HACD4: variants seen among roughly 807,000 people sequenced by gnomAD.
HACD4 encodes the protein very-long-chain (3R)-3-hydroxyacyl-CoA dehydratase 4.
Under a neutral mutation model 33.3 loss-of-function variants are expected in HACD4, and 35 were observed. The ratio of observed to expected loss-of-function variants is 1.05; its 90% CI spans 0.80 to 1.39. The LOEUF (loss-of-function observed/expected upper bound fraction) is 1.39, where lower values mean the gene tolerates loss of function less well. HACD4 is among the 40% of genes most tolerant of loss of function. HACD4 has a pLI of 0.00. For missense variants in HACD4, 323 were observed against 276.5 expected (o/e 1.17, Z -1.19); for synonymous variants, 118 against 98.0 (o/e 1.20, Z -1.21).
chr9:21,014,061 T>G (rs1411185193), intron 4 of HACD4, among the ~76,000 whole-genome samples: 2 of 152,206 alleles, frequency 1.3e-5, no homozygotes, highest in Non-Finnish European at 2.9e-5. Context: ...ACTATCATGT[T>G]AGTATGGATT....
chr9:21,009,621 G>A (rs1293793357), intron 5 of HACD4, among the ~76,000 whole-genome samples: 1 of 152,080 alleles, frequency 6.6e-6, no homozygotes, highest in African/African-American at 2.4e-5. Flanking sequence ...TGTACAATGT[G>A]GAATGATTAA....
chr9:21,029,918 A>T (rs1236065478), intron 1 of HACD4, among the ~76,000 whole-genome samples: 1 of 152,332 alleles, frequency 6.6e-6, no homozygotes, highest in Non-Finnish European at 1.5e-5. Context: ...GCCTGGGGAA[A>T]GATTAAAATC....
In HACD4 at chr9:21,015,895, T is replaced by C; in HGVS notation, c.383+3A>G. On this transcript the variant is annotated splice_donor_region_variant and intron_variant, in intron 4 of 6. Coordinates refer to ENST00000495827, the MANE Select transcript of HACD4 (RefSeq NM_001010915.5). ...GTTTTAAGAGATTATTTTGCCTTCTTACCTAACCATATCCAATAGATTCCA... is the reference window on the plus strand; with the variant it reads ...GTTTTAAGAGATTATTTTGCCTTCTCACCTAACCATATCCAATAGATTCCA... The C allele has an allele frequency of 6.3e-7, 1 of 1,596,148 alleles. No individual in the cohort carries two copies. The highest frequency in any genetic ancestry group is 1.1e-5 in the South Asian group (1 of 90,604).
In HACD4 at chr9:20,999,661, T is replaced by C. The variant is rs1410065138; in HGVS notation, c.*7376A>G. ...ATATAAGGAACGCTTTGAGATACAA[T>C]TGAAATTCATTACCTAATTAAGCCG... On this transcript the variant is annotated 3_prime_UTR_variant, in exon 7 of 7. Coordinates refer to ENST00000495827, the MANE Select transcript of HACD4 (RefSeq NM_001010915.5). The C allele has an allele frequency of 6.6e-6, 1 of 152,164 alleles. No individual in the cohort carries two copies. The highest frequency in any genetic ancestry group is 6.6e-5 in the Admixed American group (1 of 15,266). 9.4% of individuals were successfully genotyped at this position (152,164 alleles called of 1,614,324 possible). A position where few individuals can be genotyped will look rare whatever the true frequency, so the allele number is the denominator to read the frequency against.
intron 4 of HACD4, among the ~76,000 whole-genome samples, chr9:21,013,457 C>T (rs1842485650): frequency 1.3e-5 from 2 of 152,182 alleles, no homozygotes; most frequent in African/African-American, 4.8e-5. Flanking sequence ...CCTTCAACTA[C>T]ATTCTTCTAA....
At position 21,020,323 on chromosome 9, in the gene HACD4, G is replaced by A. The variant is rs185422912; in HGVS notation, c.271-4313C>T. ...AAAGCATTTCTCAAAAAGTGATGGA[G>A]TAATCTATTAAGGGTTTCCTATAGG... On this transcript the variant is annotated intron_variant, in intron 3 of 6. Coordinates refer to ENST00000495827, the MANE Select transcript of HACD4 (RefSeq NM_001010915.5). 3.0e-3 allele frequency among the ~76,000 whole-genome samples: 455 copies of A among 152,214 alleles called. 2 individuals carry two copies. The highest frequency in any genetic ancestry group is 0.01 in the African/African-American group (433 of 41,540).
At chr9:21,011,319 G>A (rs145964284) in intron 5 of HACD4, among the ~76,000 whole-genome samples, 4 of 152,268 alleles carry the variant, frequency 2.6e-5, no homozygotes, top group African/African-American at 9.6e-5. Context: ...ACTCTGAGAG[G>A]TTAAATGAGT....
chr9:21,021,716 A>G (rs1378870507), intron 3 of HACD4, among the ~76,000 whole-genome samples: 1 of 152,184 alleles, frequency 6.6e-6, no homozygotes, highest in Non-Finnish European at 1.5e-5. Flanking sequence ...ACCACTGCTC[A>G]ACGAAATAAA....
intron 4 of HACD4, among the ~76,000 whole-genome samples, chr9:21,013,638 A>C (rs1029015557): frequency 6.6e-6 from 1 of 152,090 alleles, no homozygotes; most frequent in East Asian, 1.9e-4. Context: ...GTCATGTGGG[A>C]TGTCCTTTCA....
chr9:21,012,621 A>T (rs1384794240), intron 4 of HACD4, among the ~76,000 whole-genome samples: 1 of 152,204 alleles, frequency 6.6e-6, no homozygotes, highest in Non-Finnish European at 1.5e-5. Context: ...GTGCATATTT[A>T]CTATACAGAA....
rs765299686 is a variant in HACD4, at chr9:21,011,584, C to T, written c.490+5G>A. 3 of 1,569,634 alleles carry T rather than the reference C, an allele frequency of 1.9e-6. No individual in the cohort carries two copies. In the East Asian group the frequency reaches 6.7e-5, roughly 35 times the overall value. ...AAGCAATACAGCAAGTCACTCTTTT[C>T]TTACCTTCAGCAAGAACACACAAAG... On this transcript the variant is annotated splice_donor_5th_base_variant and intron_variant, in intron 5 of 6. Coordinates refer to ENST00000495827, the MANE Select transcript of HACD4 (RefSeq NM_001010915.5).
chr9:21,021,846 C>G (rs919025159), intron 3 of HACD4, among the ~76,000 whole-genome samples: 6 of 152,142 alleles, frequency 3.9e-5, no homozygotes, highest in African/African-American at 1.4e-4. Context: ...ATCAAGCTAC[C>G]AATGACTTTC....
chr9:21,008,247 T>G (rs966082021), intron 5 of HACD4, 101 bp from the exon 6 acceptor site: 3 of 1,064,528 alleles, frequency 2.8e-6, no homozygotes, highest in Non-Finnish European at 3.9e-6. Flanking sequence ...AATTTGATAA[T>G]GACAGTTTTG....
intron 3 of HACD4, among the ~76,000 whole-genome samples, chr9:21,022,524 G>GA (rs927926751): frequency 6.6e-6 from 1 of 151,470 alleles, no homozygotes; most frequent in Non-Finnish European, 1.5e-5. Context: ...AAATTTACAG[G>GA]AAAAAAAATC....
At chr9:21,023,574 CTTTT>C (rs397709627) in intron 3 of HACD4, among the ~76,000 whole-genome samples, 1 of 128,918 alleles carries the variant, frequency 7.8e-6, no homozygotes. Flanking sequence ...ACTTAACAAT[CTTTT>C]TTTTTTTTTT....
intron 3 of HACD4, 122 bp downstream of exon 3, chr9:21,026,474 C>T: frequency 1.3e-6 from 1 of 753,862 alleles, no homozygotes. Context: ...GAAATTAATT[C>T]TCCTTATCAG....
chr9:21,029,239 T>C, intron 2 of HACD4, 56 bp downstream of exon 2: 1 of 942,508 alleles, frequency 1.1e-6, no homozygotes, highest in Non-Finnish European at 1.7e-6. Flanking sequence ...ATAAGCAGGA[T>C]GAGGTGAAAA....
intron 2 of HACD4, among the ~76,000 whole-genome samples, chr9:21,027,133 G>A (rs1818083138): frequency 6.6e-6 from 1 of 152,154 alleles, no homozygotes; most frequent in Non-Finnish European, 1.5e-5. Context: ...AAATGACAAA[G>A]ATGAGAAAAA....
At chr9:21,026,778 C>G in intron 2 of HACD4, 55 bp from the exon 3 acceptor site, 1 of 1,459,584 alleles carries the variant, frequency 6.9e-7, no homozygotes, top group Non-Finnish European at 9.5e-7. Context: ...GGATTATAAC[C>G]CAAATTTATG....
Sources: allele counts gnomAD v4.1 joint callset (sites outside exome capture counted in the v4.1 genomes callset), GRCh38; gene constraint gnomAD v4.1.1; transcripts MANE v1.5; gene names NCBI Gene and HGNC (gene_info 2026-07-23, HGNC 2026-07-21).